The following XRN2 variants were observed in gnomAD, a reference collection of about 807,000 sequenced individuals.
XRN2 encodes the protein DHM1-like protein.
In XRN2, 44 loss-of-function variants were observed where a neutral mutation model predicts 138.5. That is an observed-to-expected ratio of 0.32 (90% CI 0.25 to 0.41). The LOEUF is 0.41. XRN2 is among the 10% of genes least tolerant of loss of function. The pLI, the probability that XRN2 is intolerant of heterozygous loss-of-function variation, is 1.00. For missense variants in XRN2, 937 were observed against 1,169.3 expected, an observed-to-expected ratio of 0.80 and a Z score of 2.90; for synonymous variants, 354 against 369.4, an observed-to-expected ratio of 0.96 and a Z score of 0.48.
intron 15 of XRN2, among the ~76,000 whole-genome samples, chr20:21,341,983 C>G (rs2038378312): frequency 6.6e-6 from 1 of 152,086 alleles, no homozygotes; most frequent in South Asian, 2.1e-4. Flanking sequence ...TCGATAACAT[C>G]TGCCATAGGA....
chr20:21,355,437 G>A (rs2038564247), intron 21 of XRN2, among the ~76,000 whole-genome samples: 1 of 152,074 alleles, frequency 6.6e-6, no homozygotes, highest in South Asian at 2.1e-4. Context: ...AACAATTTCT[G>A]TATCAAAAAG....
chr20:21,333,869 T>C (rs775063391), intron 11 of XRN2, 32 bp downstream of exon 11: 1 of 1,614,128 alleles, frequency 6.2e-7, no homozygotes, highest in South Asian at 1.1e-5. Context: ...TTCAAACGAC[T>C]GTTTTAGGCT....
intron 23 of XRN2, 47 bp downstream of exon 23, chr20:21,356,712 G>A: frequency 6.6e-7 from 1 of 1,516,298 alleles, no homozygotes; most frequent in Non-Finnish European, 9.0e-7. Flanking sequence ...AGGAAGTTTA[G>A]TTAGGATTTT....
chr20:21,344,575 C>G (rs1055216728), intron 16 of XRN2, among the ~76,000 whole-genome samples: 2 of 152,142 alleles, frequency 1.3e-5, no homozygotes, highest in Non-Finnish European at 2.9e-5. Flanking sequence ...CTAGAAAGTT[C>G]AGTTATACTT....
chr20:21,376,865 AG>A (rs2038828493), intron 27 of XRN2, among the ~76,000 whole-genome samples: 1 of 152,214 alleles, frequency 6.6e-6, no homozygotes, highest in Admixed American at 6.5e-5. Context: ...AATACTTTAG[AG>A]GCATCTGTGC....
At chr20:21,350,022 G>A (rs1389160465) in intron 20 of XRN2, among the ~76,000 whole-genome samples, 2 of 152,108 alleles carry the variant, frequency 1.3e-5, no homozygotes, top group African/African-American at 4.8e-5. Flanking sequence ...GTATCCATGT[G>A]GAGATTTATG....
At chr20:21,319,076 ATTTTT>A (rs2038001605) in intron 1 of XRN2, among the ~76,000 whole-genome samples, 1 of 151,990 alleles carries the variant, frequency 6.6e-6, no homozygotes, top group African/African-American at 2.4e-5. Context: ...GTGCACCTGT[ATTTTT>A]AATTGTTATA....
intron 27 of XRN2, 148 bp downstream of exon 27, chr20:21,368,738 ATACCT>A: frequency 9.1e-7 from 1 of 1,095,116 alleles, no homozygotes; most frequent in Non-Finnish European, 1.3e-6. Context: ...TTGTGAGAGA[ATACCT>A]TATGCAAAAT....
At chr20:21,324,007 G>A (rs554240995) in intron 1 of XRN2, among the ~76,000 whole-genome samples, 17 of 152,092 alleles carry the variant, frequency 1.1e-4, no homozygotes, top group Admixed American at 4.6e-4. Flanking sequence ...TGAGTGTGGT[G>A]GGCCGTTGGA....
At chr20:21,359,767 G>A (rs2038616176) in intron 24 of XRN2, among the ~76,000 whole-genome samples, 1 of 152,038 alleles carries the variant, frequency 6.6e-6, no homozygotes, top group African/African-American at 2.4e-5. Context: ...AGGGCTTGTT[G>A]TACATTCCAG....
At chr20:21,380,762 A>G (rs1175579900) in intron 27 of XRN2, among the ~76,000 whole-genome samples, 1 of 152,224 alleles carries the variant, frequency 6.6e-6, no homozygotes, top group Non-Finnish European at 1.5e-5. Context: ...TTTGGCACCC[A>G]TGGGTATGGC....
intron 24 of XRN2, among the ~76,000 whole-genome samples, chr20:21,361,977 A>G (rs1483357259): frequency 5.3e-5 from 8 of 152,204 alleles, no homozygotes; most frequent in African/African-American, 1.9e-4. Context: ...CCAAGGAAAA[A>G]TGATATTAAT....
intron 20 of XRN2, among the ~76,000 whole-genome samples, chr20:21,353,534 T>C (rs984036257): frequency 3.3e-5 from 5 of 151,938 alleles, no homozygotes; most frequent in African/African-American, 4.8e-5. Context: ...CTCATGCTTG[T>C]AATCTCAGGA....
chr20:21,358,549 C>A, intron 24 of XRN2, among the ~76,000 whole-genome samples: 1 of 152,122 alleles, frequency 6.6e-6, no homozygotes, highest in East Asian at 1.9e-4. Context: ...ATCCTGAATC[C>A]TCCTTTTCCA....
In XRN2 at chr20:21,340,626, A is replaced by G. The variant is rs1022037935; in HGVS notation, c.1279-95A>G. On this transcript the variant is annotated intron_variant, in intron 14 of 29. Coordinates refer to ENST00000377191, the MANE Select transcript of XRN2 (RefSeq NM_012255.5). ...TTAGTGAGTTTTGTAAAGTGCTTACAGTTTGGACTTTATTCCATTGCCCTT... is the reference window on the plus strand; with the variant it reads ...TTAGTGAGTTTTGTAAAGTGCTTACGGTTTGGACTTTATTCCATTGCCCTT... 2.1e-6 allele frequency: 3 copies of G among 1,402,410 alleles called. No individual in the cohort carries two copies. The African/African-American group carries it at 4.3e-5, about 20-fold the overall frequency. 86.9% of individuals were successfully genotyped at this position (1,402,410 alleles called of 1,614,324 possible).
In XRN2 at chr20:21,366,704, TC is replaced by T. The variant is rs538156228; in HGVS notation, c.2456+1002del. Reference sequence around the variant, plus strand: ...CTTAAAACCAAGCAAAGAGTGGAGCTCCATCTTTAAAACCTAAACAGGCATT... The same window carrying T: ...CTTAAAACCAAGCAAAGAGTGGAGCTCATCTTTAAAACCTAAACAGGCATT... On this transcript the variant is annotated intron_variant, in intron 26 of 29. Transcript: ENST00000377191. 2.2e-3 allele frequency among the ~76,000 whole-genome samples: 336 copies of T among 152,274 alleles called. 2 individuals carry two copies. Among genetic ancestry groups the T allele is most frequent in the Admixed American group, 2.4e-3 (36 of 15,298 alleles).
chr20:21,354,590 C>A (rs756515052), intron 20 of XRN2, among the ~76,000 whole-genome samples, 199 bp from the exon 21 acceptor site: 3 of 152,042 alleles, frequency 2.0e-5, no homozygotes, highest in African/African-American at 4.8e-5. Context: ...ATGGAAAATA[C>A]GTAGAATTTT....
chr20:21,354,057 C>T (rs147940021), intron 20 of XRN2, among the ~76,000 whole-genome samples: 213 of 151,978 alleles, frequency 1.4e-3, no homozygotes, highest in Non-Finnish European at 1.4e-3. Flanking sequence ...AAAATATATA[C>T]GCTTCAATAA....
intron 1 of XRN2, among the ~76,000 whole-genome samples, chr20:21,312,326 G>A (rs562472944): frequency 2.6e-5 from 4 of 151,962 alleles, no homozygotes; most frequent in African/African-American, 7.3e-5. Flanking sequence ...GGGTTTCACC[G>A]TGTTAGCCAG....
Sources: allele counts gnomAD v4.1 joint callset (sites outside exome capture counted in the v4.1 genomes callset), GRCh38; gene constraint gnomAD v4.1.1; transcripts MANE v1.5; gene names NCBI Gene and HGNC (gene_info 2026-07-23, HGNC 2026-07-21).